Variants in NAA25 observed in about 807,000 individuals in gnomAD.
NAA25 encodes the protein N-alpha-acetyltransferase 25, NatB auxiliary subunit.
Under a neutral mutation model 132.5 loss-of-function variants are expected in NAA25, and 30 were observed. The observed-to-expected ratio is 0.23, with a 90% CI of 0.17 to 0.31. The LOEUF (loss-of-function observed/expected upper bound fraction) is 0.31, where lower values mean the gene tolerates loss of function less well. Ranked by LOEUF, NAA25 falls within the 10% of genes least tolerant of loss-of-function variation. The pLI is 1.00. For synonymous variants in NAA25, 359 were observed against 401.9 expected, an observed-to-expected ratio of 0.89 and a Z score of 1.28; for missense variants, 771 against 1,150.4, an observed-to-expected ratio of 0.67 and a Z score of 4.77.
chr12:112,099,985 T>TTAAAAATTC, intron 1 of NAA25, among the ~76,000 whole-genome samples: 1 of 152,304 alleles, frequency 6.6e-6, no homozygotes, highest in South Asian at 2.1e-4. Flanking sequence ...TATCCTTTAC[T>TTAAAAATTC]TAAAAATTCT....
rs1566007035 is a variant in NAA25 at position 112,053,661 on chromosome 12, GA to G, written c.1629-5del. ...AGCATATCGGGTCAAAAGATAACTA[GA>G]TCAGAAGGAAAGAAGGAAAAAAAAA... is the stretch of plus-strand genomic sequence containing the variant. On this transcript the variant is annotated splice_polypyrimidine_tract_variant and splice_region_variant and intron_variant, in intron 14 of 23. Coordinates refer to ENST00000261745, the MANE Select transcript of NAA25 (RefSeq NM_024953.4). 4 of 1,589,002 alleles carry G rather than the reference GA, an allele frequency of 2.5e-6. No individual in the cohort carries two copies. In the South Asian group the frequency reaches 4.5e-5, roughly 18 times the overall value.
intron 9 of NAA25, 72 bp downstream of exon 9, chr12:112,074,603 G>C: frequency 1.3e-6 from 1 of 789,160 alleles, no homozygotes; most frequent in Non-Finnish European, 2.0e-6. Context: ...AATTCAATTG[G>C]CTTATAATGA....
chr12:112,068,924 G>C lies in NAA25; in HGVS notation c.1105C>G (p.Leu369Val), dbSNP rs1289355221. The C allele has an allele frequency of 6.2e-7, 1 of 1,613,258 alleles. No homozygotes were observed. Among genetic ancestry groups the C allele is most frequent in the Non-Finnish European group, 8.5e-7 (1 of 1,179,516 alleles). Residue 369 changes from leucine (L) to valine (V), a missense_variant, in exon 11 of 24, where the codon CTT (leucine) becomes GTT (valine). Leu to Val is a conservative substitution (Grantham distance 32, BLOSUM62 1). Transcript: ENST00000261745. ...GGTAAGAGGTCAACAAACACCTTAA[G>C]GTCTGTAAAACAACAAGGTTTATCG... Reference protein sequence around the residue: ...FGDKPCCFTDLKVFVDLLPAT... With the variant: ...FGDKPCCFTDVKVFVDLLPAT...
Position 112,093,128 on chromosome 12 carries a change from C to A in NAA25, c.67G>T (p.Asp23Tyr). ...ATTGCCATTTTATTATTACCATTGT[C>A]AAGATAATCTATGAAAAAACAAATT... is the stretch of plus-strand genomic sequence containing the variant. ...RRLRPIYDYL[D>Y]NGNNKMAIQQ... The change falls in exon 2 of 24, where the codon GAC (aspartate) becomes TAC (tyrosine). Residue 23 changes from aspartate to tyrosine, a missense_variant. Physicochemically the swap from Asp to Tyr is radical, Grantham distance 160. Transcript: ENST00000261745. 1 of 1,597,448 alleles carries A rather than the reference C, an allele frequency of 6.3e-7. No individual in the cohort carries two copies. The highest frequency in any genetic ancestry group is 1.1e-5 in the South Asian group (1 of 89,856).
chr12:112,075,725 G>A lies in NAA25; in HGVS notation c.729C>T (p.Ser243=). 6.2e-7 allele frequency: 1 copy of A among 1,613,922 alleles called. No individual in the cohort carries two copies. Among genetic ancestry groups the A allele is most frequent in the Non-Finnish European group, 8.5e-7 (1 of 1,179,878 alleles). ...AAAGGGCATTGCACTCTGGCCACCTGCTCAGCTTCTTGTACATAGCCATGC... is the reference window on the plus strand; with the variant it reads ...AAAGGGCATTGCACTCTGGCCACCTACTCAGCTTCTTGTACATAGCCATGC... ...NKCMAMYKKL[S]RWPECNALSR... Residue 243 remains serine, a synonymous_variant, in exon 8 of 24, where the codon AGC becomes AGT. Transcript: ENST00000261745.
At position 112,078,148 on chromosome 12, in the gene NAA25, A is replaced by G. The variant is rs1566022600; in HGVS notation, c.664+40T>C. The G allele has an allele frequency of 8.0e-6, 11 of 1,366,868 alleles. 1 individual carries two copies. In the South Asian group the frequency reaches 1.4e-4, roughly 17 times the overall value. 84.7% of individuals were successfully genotyped at this position (1,366,868 alleles called of 1,614,324 possible). ...CAATAAACATTTTTCATGTTTAAAT[A>G]GGAAAAAAAAAAAGCTTTAAGAAAA... is the stretch of plus-strand genomic sequence containing the variant. On this transcript the variant is annotated intron_variant, in intron 7 of 23. Coordinates refer to ENST00000261745, the MANE Select transcript of NAA25 (RefSeq NM_024953.4).
At chr12:112,106,551 C>T (rs1287394779) in intron 1 of NAA25, among the ~76,000 whole-genome samples, 3 of 152,062 alleles carry the variant, frequency 2.0e-5, no homozygotes, top group African/African-American at 7.2e-5. Context: ...AATATGCAGC[C>T]CCGGGGAAAT....
intron 23 of NAA25, 61 bp downstream of exon 23, chr12:112,033,172 G>C (rs1444352457): frequency 2.0e-6 from 3 of 1,479,526 alleles, no homozygotes; most frequent in Non-Finnish European, 2.7e-6. Context: ...AAAGATGAGA[G>C]AGAGAGACAG....
intron 1 of NAA25, among the ~76,000 whole-genome samples, chr12:112,098,705 G>A (rs894198796): frequency 2.0e-5 from 3 of 152,150 alleles, no homozygotes; most frequent in Non-Finnish European, 4.4e-5. Flanking sequence ...CATTCCAAAT[G>A]AAATGTTTTT....
chr12:112,083,277 C>T (rs1187485757), intron 4 of NAA25, among the ~76,000 whole-genome samples: 1 of 152,056 alleles, frequency 6.6e-6, no homozygotes, highest in East Asian at 1.9e-4. Flanking sequence ...GTCAGGAGTT[C>T]GAGACCAACT....
At chr12:112,069,096 T>G (rs1193300385) in intron 10 of NAA25, 104 bp from the exon 11 acceptor site, 1 of 706,988 alleles carries the variant, frequency 1.4e-6, no homozygotes, top group Non-Finnish European at 2.4e-6. Context: ...AAACAAAATT[T>G]TGCTTGCAAC....
chr12:112,073,328 G>T (rs2078843084), intron 9 of NAA25, among the ~76,000 whole-genome samples: 1 of 152,016 alleles, frequency 6.6e-6, no homozygotes, highest in East Asian at 1.9e-4. Context: ...ATTGCTTTAA[G>T]AATGAAAACT....
intron 22 of NAA25, among the ~76,000 whole-genome samples, chr12:112,036,497 A>G (rs1381000692): frequency 6.6e-6 from 1 of 151,744 alleles, no homozygotes. Flanking sequence ...GAAAGAGTGG[A>G]AAGAACTCTT....
chr12:112,073,277 C>A (rs2078842493), intron 9 of NAA25, among the ~76,000 whole-genome samples: 1 of 151,896 alleles, frequency 6.6e-6, no homozygotes, highest in Non-Finnish European at 1.5e-5. Flanking sequence ...CACACACACA[C>A]ACACACACAT....
chr12:112,072,012 C>T lies in NAA25; in HGVS notation c.919G>A (p.Glu307Lys). Residue 307 changes from glutamate (E) to lysine (K), a missense_variant, in exon 10 of 24, where the codon GAA (glutamate) becomes AAA (lysine). Glu to Lys is a moderately conservative substitution (Grantham distance 56, BLOSUM62 1). This residue lies in a region of NAA25 where 417 missense variants were observed against 733.8 expected (regional missense o/e 0.57). Coordinates refer to ENST00000261745, the MANE Select transcript of NAA25 (RefSeq NM_024953.4). ...YSAEKAVKFI[E>K]DRITEESKSS... ...TTAGATTCTTCCGTTATCCGATCTT[C>T]TATAAACTTCACAGCTTTTTCTGCA... 6.2e-7 allele frequency: 1 copy of T among 1,614,026 alleles called. No homozygotes were observed.
At chr12:112,087,406 C>G (rs2079072510) in intron 4 of NAA25, among the ~76,000 whole-genome samples, 1 of 152,180 alleles carries the variant, frequency 6.6e-6, no homozygotes, top group Non-Finnish European at 1.5e-5. Flanking sequence ...CAATCTGATG[C>G]AGTAGGACAA....
chr12:112,106,604 C>G (rs2079364534), intron 1 of NAA25, among the ~76,000 whole-genome samples: 1 of 152,122 alleles, frequency 6.6e-6, no homozygotes, highest in South Asian at 2.1e-4. Flanking sequence ...ATCTGTGTGA[C>G]CTCAGGCAAA....
At chr12:112,095,354 G>A (rs369866275) in intron 1 of NAA25, among the ~76,000 whole-genome samples, 5 of 151,724 alleles carry the variant, frequency 3.3e-5, no homozygotes, top group South Asian at 2.1e-4. Flanking sequence ...GGAGAATGGC[G>A]TGAACCCAGG....
intron 19 of NAA25, among the ~76,000 whole-genome samples, chr12:112,042,609 C>G (rs1329694907): frequency 6.6e-6 from 1 of 151,878 alleles, no homozygotes. Context: ...CTGGTTCAAG[C>G]GATTCTCCTG....
Sources: gnomAD v4.1 joint callset for allele counts (sites outside exome capture counted in the v4.1 genomes callset) on GRCh38, gnomAD v4.1.1 for gene constraint, gnomAD v4.1.1 regional missense constraint, MANE v1.5 for transcripts, NCBI Gene and HGNC (gene_info 2026-07-23, HGNC 2026-07-21) for gene names.